Variants in HELZ observed in about 807,000 individuals in gnomAD.
HELZ encodes ATP-dependent RNA helicase with zinc finger domain.
A neutral mutation model predicts 218.2 loss-of-function variants in HELZ; 23 were observed. The ratio of observed to expected loss-of-function variants is 0.11; its 90% CI spans 0.08 to 0.15. HELZ has a LOEUF of 0.15. HELZ is among the 10% of genes least tolerant of loss of function. HELZ has a pLI of 1.00. For synonymous variants in HELZ, 814 were observed against 829.4 expected, an observed-to-expected ratio of 0.98 and a Z score of 0.32; for missense variants, 1,813 against 2,353.7, an observed-to-expected ratio of 0.77 and a Z score of 4.75.
chr17:67,155,235 A>T (rs2038804842), intron 17 of HELZ, among the ~76,000 whole-genome samples: 1 of 152,214 alleles, frequency 6.6e-6, no homozygotes, highest in Admixed American at 6.5e-5. Context: ...GAGAAGAAAA[A>T]GAAATTCCAA....
intron 15 of HELZ, among the ~76,000 whole-genome samples, chr17:67,164,793 A>G (rs1273435829): frequency 6.6e-6 from 1 of 152,182 alleles, no homozygotes; most frequent in Non-Finnish European, 1.5e-5. Context: ...AGCACAGTCA[A>G]CGAGGCCATA....
At chr17:67,116,606 G>A (rs1023214786) in intron 27 of HELZ, among the ~76,000 whole-genome samples, 1 of 151,922 alleles carries the variant, frequency 6.6e-6, no homozygotes, top group Non-Finnish European at 1.5e-5. Context: ...GGACAAAGAA[G>A]GTCATTCCAT....
chr17:67,242,971 A>G (rs2041366581), intron 2 of HELZ, among the ~76,000 whole-genome samples: 1 of 152,128 alleles, frequency 6.6e-6, no homozygotes, highest in African/African-American at 2.4e-5. Flanking sequence ...ACAGTAACCA[A>G]TCGACCACAA....
intron 5 of HELZ, among the ~76,000 whole-genome samples, chr17:67,209,211 G>A (rs931971705): frequency 8.6e-5 from 13 of 151,606 alleles, no homozygotes; most frequent in African/African-American, 3.1e-4. Flanking sequence ...TAGTGATCCT[G>A]AGGCACAATC....
intron 22 of HELZ, 130 bp downstream of exon 22, chr17:67,137,801 G>A: frequency 1.6e-6 from 1 of 642,300 alleles, no homozygotes. Context: ...TGCCAAACCT[G>A]GCATTAAAGA....
At chr17:67,183,301 C>G (rs1598385865) in intron 12 of HELZ, among the ~76,000 whole-genome samples, 1 of 152,222 alleles carries the variant, frequency 6.6e-6, no homozygotes, top group South Asian at 2.1e-4. Context: ...CCCTATTTCT[C>G]TCTCTGAAAG....
intron 31 of HELZ, among the ~76,000 whole-genome samples, chr17:67,091,032 A>C (rs1317556269): frequency 6.6e-6 from 1 of 152,008 alleles, no homozygotes; most frequent in South Asian, 2.1e-4. Context: ...ACAAGCTATA[A>C]ATTTAAATTC....
chr17:67,103,655 T>C (rs1368370277), intron 31 of HELZ, among the ~76,000 whole-genome samples: 3 of 152,176 alleles, frequency 2.0e-5, no homozygotes, highest in African/African-American at 7.2e-5. Context: ...ATTGTTAAGG[T>C]TGCAATACTC....
intron 27 of HELZ, among the ~76,000 whole-genome samples, chr17:67,115,049 G>C (rs2037388757): frequency 6.6e-6 from 1 of 152,084 alleles, no homozygotes; most frequent in Non-Finnish European, 1.5e-5. Flanking sequence ...CCTTGATTTA[G>C]GTTCTTGTTC....
chr17:67,199,197 G>C (rs576615874), intron 7 of HELZ, among the ~76,000 whole-genome samples: 1 of 147,806 alleles, frequency 6.8e-6, no homozygotes, highest in African/African-American at 2.5e-5. Flanking sequence ...AAGTAATTGC[G>C]ATTTTGCCAT....
intron 28 of HELZ, among the ~76,000 whole-genome samples, chr17:67,110,165 T>C (rs1459702900): frequency 6.6e-6 from 1 of 152,132 alleles, no homozygotes; most frequent in Non-Finnish European, 1.5e-5. Context: ...CCTCCTGGAT[T>C]CAAGCAATTC....
At chr17:67,245,444 C>T (rs762944461), upstream of HELZ, 60 of 980,288 alleles carry the variant, frequency 6.1e-5, no homozygotes, top group Non-Finnish European at 7.2e-5. Flanking sequence ...GGCCTCCCTG[C>T]CCCCACGCCC....
chr17:67,129,559 C>T (rs887346896), intron 23 of HELZ, among the ~76,000 whole-genome samples: 2 of 151,986 alleles, frequency 1.3e-5, no homozygotes, highest in African/African-American at 2.4e-5. Flanking sequence ...CCAGCTACTC[C>T]GTATTTTTCT....
chr17:67,218,093 C>T (rs2143296845), intron 4 of HELZ, among the ~76,000 whole-genome samples: 1 of 152,090 alleles, frequency 6.6e-6, no homozygotes, highest in East Asian at 1.9e-4. Context: ...CGCTACCACG[C>T]CTGGCTAATT....
Position 67,107,302 on chromosome 17 carries a change from G to A in HELZ, c.5108C>T (p.Pro1703Leu). ...CTGCGGTGGCCTGTGAGGCAATGGA[G>A]GTAGGCCATAGGGAAAACCTGGCCC... is the stretch of plus-strand genomic sequence containing the variant. The part of the protein sequence containing the change: ...LMGPGFPYGL[P>L]PLPHRPPQNP... Residue 1703 changes from proline (P) to leucine (L), a missense_variant, in exon 31 of 33, where the codon CCT becomes CTT. By Grantham distance (98) the Pro-to-Leu change is moderately conservative. Coordinates refer to ENST00000358691, the MANE Select transcript of HELZ (RefSeq NM_014877.4). 1.2e-6 allele frequency: 2 copies of A among 1,614,204 alleles called. No individual in the cohort carries two copies. Among genetic ancestry groups the A allele is most frequent in the Non-Finnish European group, 1.7e-6 (2 of 1,180,048 alleles).
Position 67,148,616 on chromosome 17 carries a change from A to C in HELZ, c.2574T>G (p.Cys858Trp). The C allele has an allele frequency of 6.2e-7, 1 of 1,613,864 alleles. No homozygotes were observed. ...LYEHYPAEFPCRILLCENYRS... is the reference protein window; with the variant it reads ...LYEHYPAEFPWRILLCENYRS... ...GGTAGTTCTCACACAGGAGAATCCT[A>C]CATGGGAACTCAGCAGGGTAATGCT... The change falls in exon 20 of 33, where the codon TGT (cysteine) becomes TGG (tryptophan). Residue 858 changes from cysteine to tryptophan, a missense_variant. Coordinates refer to ENST00000358691, the MANE Select transcript of HELZ (RefSeq NM_014877.4).
At chr17:67,093,232 G>T (rs2036628174) in intron 31 of HELZ, among the ~76,000 whole-genome samples, 1 of 152,174 alleles carries the variant, frequency 6.6e-6, no homozygotes, top group East Asian at 1.9e-4. Context: ...AAGAACTCTT[G>T]TGAGTTTAAA....
chr17:67,222,819 C>G (rs1018103636), intron 3 of HELZ, among the ~76,000 whole-genome samples: 1 of 152,170 alleles, frequency 6.6e-6, no homozygotes, highest in Non-Finnish European at 1.5e-5. Flanking sequence ...TCTAGAAGTA[C>G]TTCTAAATGA....
chr17:67,123,924 C>A, intron 25 of HELZ, 39 bp downstream of exon 25: 1 of 1,492,558 alleles, frequency 6.7e-7, no homozygotes, highest in South Asian at 1.1e-5. Flanking sequence ...TCTCTTACAT[C>A]ATAAAAGCAA....
Sources: allele counts gnomAD v4.1 joint callset (sites outside exome capture counted in the v4.1 genomes callset), GRCh38; gene constraint gnomAD v4.1.1; transcripts MANE v1.5; gene names NCBI Gene and HGNC (gene_info 2026-07-23, HGNC 2026-07-21).